The following SAMMSON variants were observed in gnomAD, a reference collection of about 807,000 sequenced individuals.
SAMMSON encodes survival associated mitochondrial melanoma specific oncogenic non-coding RNA, also known as long intergenic non-protein coding RNA 1212.
intron 4 of SAMMSON, chr3:70,126,738 TG>T: frequency 3.9e-6 from 1 of 255,964 alleles, no homozygotes; most frequent in Non-Finnish European, 7.6e-6. Flanking sequence ...TTTTTTGAGA[TG>T]GAATCTTGCT....
intron 3 of SAMMSON, among the ~76,000 whole-genome samples, chr3:70,026,209 C>T (rs1404367143): frequency 6.6e-6 from 1 of 152,144 alleles, no homozygotes; most frequent in Admixed American, 6.5e-5. Context: ...TTTACTGCTG[C>T]TCTCCAGACA....
chr3:70,274,863 G>A (rs1360748790), intron 6 of SAMMSON, among the ~76,000 whole-genome samples: 3 of 152,106 alleles, frequency 2.0e-5, no homozygotes, highest in South Asian at 2.1e-4. Flanking sequence ...AAACCCAAAT[G>A]TCCTACTATT....
intron 4 of SAMMSON, among the ~76,000 whole-genome samples, chr3:70,185,930 C>T (rs1443163570): frequency 6.6e-6 from 1 of 152,050 alleles, no homozygotes; most frequent in Non-Finnish European, 1.5e-5. Context: ...TGAACCATGA[C>T]TGTGCCTCTG....
chr3:70,291,389 A>C (rs901784886), intron 7 of SAMMSON: 1 of 152,156 alleles, frequency 6.6e-6, no homozygotes, highest in Non-Finnish European at 1.5e-5. Flanking sequence ...TATCATTACG[A>C]TATAACAAAT....
intron 3 of SAMMSON, chr3:70,069,276 A>C (rs1455241530): frequency 6.6e-6 from 1 of 152,096 alleles, no homozygotes; most frequent in East Asian, 1.9e-4. Context: ...TTAATATTTC[A>C]CTTTTCAATC....
intron 4 of SAMMSON, among the ~76,000 whole-genome samples, chr3:70,157,367 AG>A (rs1321459831): frequency 6.6e-6 from 1 of 152,092 alleles, no homozygotes; most frequent in African/African-American, 2.4e-5. Flanking sequence ...CCCTCAGGCA[AG>A]GGGGAGTGTG....
At chr3:70,351,494 C>T (rs1484464165) in intron 7 of SAMMSON, among the ~76,000 whole-genome samples, 1 of 151,984 alleles carries the variant, frequency 6.6e-6, no homozygotes, top group Non-Finnish European at 1.5e-5. Flanking sequence ...ATTCCTCTTG[C>T]TAAGTACAGC....
intron 2 of SAMMSON, among the ~76,000 whole-genome samples, chr3:70,421,432 C>G (rs1181384366): frequency 6.6e-6 from 1 of 152,070 alleles, no homozygotes; most frequent in Non-Finnish European, 1.5e-5. Context: ...TATAGAAAAG[C>G]TAGATCTTAG....
At chr3:70,083,330 C>A (rs2067273265) in intron 4 of SAMMSON, among the ~76,000 whole-genome samples, 1 of 152,168 alleles carries the variant, frequency 6.6e-6, no homozygotes, top group South Asian at 2.1e-4. Context: ...TGTCAGCTCC[C>A]TGTCTTTATA....
chr3:70,153,841 G>T (rs1047752059), intron 4 of SAMMSON, among the ~76,000 whole-genome samples: 1 of 151,868 alleles, frequency 6.6e-6, no homozygotes, highest in African/African-American at 2.4e-5. Context: ...TGTACCCACT[G>T]AACTCATTGA....
chr3:70,071,613 C>T (rs1260831269), intron 4 of SAMMSON: 4 of 151,904 alleles, frequency 2.6e-5, no homozygotes, highest in African/African-American at 9.7e-5. Context: ...TAATCAGATA[C>T]CTGTTCTCCC....
chr3:70,062,266 C>A (rs966661449), intron 3 of SAMMSON, among the ~76,000 whole-genome samples: 1 of 152,086 alleles, frequency 6.6e-6, no homozygotes, highest in Non-Finnish European at 1.5e-5. Flanking sequence ...CTCCCCATGG[C>A]ATGCTCTTTC....
At chr3:70,193,851 T>A (rs979651225) in intron 4 of SAMMSON, among the ~76,000 whole-genome samples, 1 of 152,226 alleles carries the variant, frequency 6.6e-6, no homozygotes, top group African/African-American at 2.4e-5. Flanking sequence ...TATTTCCATC[T>A]ATACATTTAT....
intron 6 of SAMMSON, among the ~76,000 whole-genome samples, chr3:70,263,660 G>A (rs747891406): frequency 2.0e-5 from 3 of 152,170 alleles, no homozygotes; most frequent in Non-Finnish European, 2.9e-5. Context: ...GGAGCCCTAC[G>A]CAAATTTATA....
At chr3:70,210,905 A>T (rs1701336969) in intron 4 of SAMMSON, among the ~76,000 whole-genome samples, 1 of 152,124 alleles carries the variant, frequency 6.6e-6, no homozygotes, top group Non-Finnish European at 1.5e-5. Flanking sequence ...TGTTGAGCAA[A>T]TGTTATTAAT....
chr3:70,363,075 T>C (rs1400654028), intron 9 of SAMMSON, among the ~76,000 whole-genome samples: 4 of 151,792 alleles, frequency 2.6e-5, no homozygotes, highest in South Asian at 2.1e-4. Flanking sequence ...AAAAATAAAA[T>C]AATAGATTGA....
At chr3:70,428,635 A>G (rs1441574268) in intron 2 of SAMMSON, among the ~76,000 whole-genome samples, 1 of 152,204 alleles carries the variant, frequency 6.6e-6, no homozygotes, top group African/African-American at 2.4e-5. Flanking sequence ...CTAGCATAGA[A>G]TTTTGTGAAG....
intron 3 of SAMMSON, among the ~76,000 whole-genome samples, chr3:70,049,531 A>G (rs541267700): frequency 6.6e-6 from 1 of 152,188 alleles, no homozygotes; most frequent in African/African-American, 2.4e-5. Flanking sequence ...AGTCTTAAGA[A>G]TATCTCTTTC....
chr3:70,373,089 C>T (rs1477280230), intron 9 of SAMMSON, among the ~76,000 whole-genome samples: 1 of 152,076 alleles, frequency 6.6e-6, no homozygotes, highest in Non-Finnish European at 1.5e-5. Context: ...GTTCTTTCTT[C>T]CTTCTTGACA....
Sources: gnomAD v4.1 joint callset for allele counts (sites outside exome capture counted in the v4.1 genomes callset) on GRCh38, gnomAD v4.1.1 for gene constraint, MANE v1.5 for transcripts, NCBI Gene and HGNC (gene_info 2026-07-23, HGNC 2026-07-21) for gene names.